Variants in PABPC1L observed in about 807,000 individuals in gnomAD.
PABPC1L encodes poly(A) binding protein cytoplasmic 1 like.
A neutral mutation model predicts 66.6 loss-of-function variants in PABPC1L; 31 were observed. The observed-to-expected ratio is 0.47, with a 90% CI of 0.35 to 0.63. The LOEUF (loss-of-function observed/expected upper bound fraction) is 0.63. Among genes scored for constraint, PABPC1L ranks in the 20% least tolerant of loss-of-function variants. The pLI is 0.00. For missense variants in PABPC1L, 722 were observed against 848.8 expected (o/e 0.85, Z 1.86); for synonymous variants, 348 against 335.1 (o/e 1.04, Z -0.42).
intron 5 of PABPC1L, 73 bp from the exon 6 acceptor site, chr20:44,921,521 G>A: frequency 6.3e-7 from 1 of 1,575,070 alleles, no homozygotes; most frequent in East Asian, 2.3e-5. Flanking sequence ...GGCCCCTCTA[G>A]ATCCAGAAGA....
chr20:44,924,371 C>T (rs565696763), intron 7 of PABPC1L, 115 bp downstream of exon 7: 115 of 765,546 alleles, frequency 1.5e-4, no homozygotes, highest in Middle Eastern at 3.8e-4. Context: ...GGGTTGGTGC[C>T]GGCTACCCCT....
chr20:44,913,817 G>T (rs2066720607), intron 2 of PABPC1L, among the ~76,000 whole-genome samples: 1 of 152,128 alleles, frequency 6.6e-6, no homozygotes, highest in Non-Finnish European at 1.5e-5. Flanking sequence ...ATTAATTGGG[G>T]CCATCAAGGC....
intron 3 of PABPC1L, among the ~76,000 whole-genome samples, chr20:44,918,506 G>A (rs2066751625): frequency 6.6e-6 from 1 of 152,180 alleles, no homozygotes; most frequent in South Asian, 2.1e-4. Flanking sequence ...CAATTTTACA[G>A]CAATGAACTC....
intron 11 of PABPC1L, 41 bp from the exon 12 acceptor site, chr20:44,936,596 T>C (rs1239516938): frequency 6.7e-7 from 1 of 1,491,150 alleles, no homozygotes; most frequent in South Asian, 1.3e-5. Context: ...AGGACATGCC[T>C]GTCCATGGTG....
intron 7 of PABPC1L, among the ~76,000 whole-genome samples, chr20:44,930,183 A>G (rs963331189): frequency 6.6e-6 from 1 of 152,172 alleles, no homozygotes; most frequent in African/African-American, 2.4e-5. Context: ...CATCCCTCAA[A>G]CAGCTCAGTA....
intron 1 of PABPC1L, among the ~76,000 whole-genome samples, chr20:44,912,062 G>A (rs2066709184): frequency 6.6e-6 from 1 of 152,252 alleles, no homozygotes; most frequent in East Asian, 1.9e-4. Flanking sequence ...TTATTTTTCA[G>A]TCCCTCCAAC....
chr20:44,938,245 G>T, intron 13 of PABPC1L, 54 bp downstream of exon 13: 2 of 1,585,934 alleles, frequency 1.3e-6, no homozygotes, highest in East Asian at 2.2e-5. Context: ...GAGAGCTAAC[G>T]ACAAGGGCTC....
At chr20:44,912,958 A>G in intron 2 of PABPC1L, 105 bp downstream of exon 2, 1 of 1,120,460 alleles carries the variant, frequency 8.9e-7, no homozygotes. Context: ...AGGTCCTTTC[A>G]GTCAAGTTTC....
At chr20:44,915,237 A>G (rs2066730491) in intron 2 of PABPC1L, among the ~76,000 whole-genome samples, 1 of 152,222 alleles carries the variant, frequency 6.6e-6, no homozygotes, top group South Asian at 2.1e-4. Flanking sequence ...CATTTTAGAA[A>G]GAGCATCACA....
chr20:44,914,451 G>A (rs898288532), intron 2 of PABPC1L, among the ~76,000 whole-genome samples: 8 of 151,930 alleles, frequency 5.3e-5, no homozygotes, highest in Non-Finnish European at 7.4e-5. Flanking sequence ...CTTGTGATCC[G>A]CCCGCCTCAG....
At chr20:44,917,426 G>T (rs2066745153) in intron 3 of PABPC1L, among the ~76,000 whole-genome samples, 1 of 139,304 alleles carries the variant, frequency 7.2e-6, no homozygotes, top group Admixed American at 7.7e-5. Flanking sequence ...TTGAACTCTT[G>T]GGTTCAAGTG....
At chr20:44,930,426 C>T (rs1404835464) in intron 7 of PABPC1L, 34 bp from the exon 8 acceptor site, 2 of 1,589,396 alleles carry the variant, frequency 1.3e-6, no homozygotes, top group South Asian at 2.3e-5. Flanking sequence ...CTTCCTTCCC[C>T]ACCCCAGCAG....
intron 5 of PABPC1L, among the ~76,000 whole-genome samples, chr20:44,921,061 C>T (rs551552513): frequency 6.6e-6 from 1 of 152,180 alleles, no homozygotes; most frequent in South Asian, 2.1e-4. Flanking sequence ...GATCCAACCG[C>T]CTTGGCCTCC....
At chr20:44,925,502 G>A (rs1456238344) in intron 7 of PABPC1L, among the ~76,000 whole-genome samples, 1 of 152,152 alleles carries the variant, frequency 6.6e-6, no homozygotes. Context: ...GTTTGACTTG[G>A]CTGTGAGGAG....
chr20:44,913,805 C>G (rs1224345842), intron 2 of PABPC1L, among the ~76,000 whole-genome samples: 1 of 152,052 alleles, frequency 6.6e-6, no homozygotes, highest in African/African-American at 2.4e-5. Flanking sequence ...TACAGGAAGG[C>G]CATTAATTGG....
At chr20:44,927,773 C>T (rs2066820267) in intron 7 of PABPC1L, among the ~76,000 whole-genome samples, 1 of 152,128 alleles carries the variant, frequency 6.6e-6, no homozygotes, top group South Asian at 2.1e-4. Context: ...TCACTGCAGC[C>T]TCCAACTCCT....
chr20:44,916,799 A>G lies in PABPC1L; in HGVS notation c.431A>G (p.His144Arg). The G allele has an allele frequency of 6.2e-7, 1 of 1,614,100 alleles. No homozygotes were observed. The highest frequency in any genetic ancestry group is 8.5e-7 in the Non-Finnish European group (1 of 1,180,004). The change falls in exon 3 of 15, where the codon CAT (histidine) becomes CGT (arginine). Residue 144 changes from histidine (H) to arginine (R), a missense_variant. His to Arg is a conservative substitution (Grantham distance 29, BLOSUM62 0). Transcript: ENST00000217073. ...GGCTCCCGGGGTTTCGGCTTTGTCC[A>G]TTTTGAGACCCATGAGGCCGCACAG... ...EHGSRGFGFV[H>R]FETHEAAQQA...
chr20:44,915,627 A>G (rs895818173), intron 2 of PABPC1L, among the ~76,000 whole-genome samples: 3 of 151,966 alleles, frequency 2.0e-5, no homozygotes, highest in Admixed American at 6.6e-5. Flanking sequence ...GTGAAACTCC[A>G]TCTCTACTAA....
intron 11 of PABPC1L, 64 bp from the exon 12 acceptor site, chr20:44,936,573 G>A: frequency 7.3e-7 from 1 of 1,364,192 alleles, no homozygotes; most frequent in Non-Finnish European, 1.0e-6. Flanking sequence ...CACTTGCCAG[G>A]GTAAGTATTT....
Sources: allele counts gnomAD v4.1 joint callset (sites outside exome capture counted in the v4.1 genomes callset), GRCh38; gene constraint gnomAD v4.1.1; transcripts MANE v1.5; gene names NCBI Gene and HGNC (gene_info 2026-07-23, HGNC 2026-07-21).